The following ANKRD11 variants were observed in gnomAD, a reference collection of about 807,000 sequenced individuals.
The protein encoded by ANKRD11 is ankyrin repeat domain-containing protein 11.
In ANKRD11, 17 loss-of-function variants were observed where a neutral mutation model predicts 195.7. The ratio of observed to expected loss-of-function variants is 0.09; its 90% CI spans 0.06 to 0.13. ANKRD11 has a LOEUF of 0.13. ANKRD11 is among the 10% of genes least tolerant of loss of function. ANKRD11 has a pLI of 1.00. For missense variants in ANKRD11, 3,735 were observed against 3,566.1 expected (o/e 1.05, Z -1.21); for synonymous variants, 1,953 against 1,528.1 (o/e 1.28, Z -6.49).
intron 2 of ANKRD11, among the ~76,000 whole-genome samples, chr16:89,391,751 C>A (rs904676499): frequency 2.0e-5 from 3 of 152,210 alleles, no homozygotes; most frequent in Non-Finnish European, 2.9e-5. Context: ...AGAGGTTCCT[C>A]TTCAAAGACT....
chr16:89,301,161 C>G (rs372705024), intron 4 of ANKRD11, among the ~76,000 whole-genome samples: 6 of 152,274 alleles, frequency 3.9e-5, no homozygotes, highest in African/African-American at 1.4e-4. Flanking sequence ...GGCTGGAGGG[C>G]AGTGGCGCAA....
intron 5 of ANKRD11, 48 bp from the exon 6 acceptor site, chr16:89,290,876 G>A (rs372592637): frequency 1.2e-6 from 2 of 1,610,750 alleles, no homozygotes; most frequent in African/African-American, 2.7e-5. Context: ...GGGTGGTCCT[G>A]CTTTGTCCAA....
intron 2 of ANKRD11, among the ~76,000 whole-genome samples, chr16:89,388,757 G>A (rs2041043308): frequency 6.6e-6 from 1 of 152,210 alleles, no homozygotes; most frequent in South Asian, 2.1e-4. Flanking sequence ...CTGGAATGGT[G>A]CCACTGCCCA....
chr16:89,337,024 A>G lies in ANKRD11; in HGVS notation c.-59-19946T>C, dbSNP rs995538482. ...GGCTCTACCAAAAAAAAAAAAAAAA[A>G]AAAAAAAAAAAATTAGCCAGGTGTG... On this transcript the variant is annotated intron_variant, in intron 2 of 12. Coordinates refer to ENST00000301030, the MANE Select transcript of ANKRD11 (RefSeq NM_013275.6). 1.9e-4 allele frequency among the ~76,000 whole-genome samples: 27 copies of G among 145,398 alleles called. 1 individual carries two copies. Among genetic ancestry groups the G allele is most frequent in the African/African-American group, 6.6e-4 (26 of 39,452 alleles).
chr16:89,418,932 G>A (rs550660945), intron 1 of ANKRD11, among the ~76,000 whole-genome samples: 7 of 151,924 alleles, frequency 4.6e-5, no homozygotes, highest in African/African-American at 7.2e-5. Context: ...ACCCACCCCC[G>A]GCTGATCTGG....
intron 4 of ANKRD11, among the ~76,000 whole-genome samples, chr16:89,296,093 A>ACC (rs2035420503): frequency 2.1e-5 from 3 of 140,814 alleles, no homozygotes. Context: ...GGCTCAAGCG[A>ACC]CCCTCCCACT....
In ANKRD11 at chr16:89,280,556, G is replaced by A. The variant is rs776509679; in HGVS notation, c.5986C>T (p.Pro1996Ser). The change falls in exon 9 of 13, where the codon CCC becomes TCC. Residue 1996 changes from proline to serine, a missense_variant. Transcript: ENST00000301030. ...GCGGCAGAGTGGAGGGGGTCCGCGG[G>A]GCAGAAACGCTTTGGGGACTCGGGG... Reference protein sequence around the residue: ...RFPESPKRFCPADPLHSAAPG... With the variant: ...RFPESPKRFCSADPLHSAAPG... 8 of 1,613,024 alleles carry A rather than the reference G, an allele frequency of 5.0e-6. No individual in the cohort carries two copies. In the African/African-American group the frequency reaches 5.3e-5, roughly 11 times the overall value.
chr16:89,282,813 T>G lies in ANKRD11; in HGVS notation c.3729A>C (p.Glu1243Asp). 6.2e-7 allele frequency: 1 copy of G among 1,611,542 alleles called. No individual in the cohort carries two copies. Among genetic ancestry groups the G allele is most frequent in the Non-Finnish European group, 8.5e-7 (1 of 1,180,022 alleles). The change falls in exon 9 of 13, where the codon GAA becomes GAC. Residue 1243 changes from glutamate (E) to aspartate (D), a missense_variant. By Grantham distance (45) the Glu-to-Asp change is conservative (BLOSUM62 2). Transcript: ENST00000301030. ...KNKQKLPEKA[E>D]KKHAAEDKAK... ...CCTTGTCTTCGGCAGCGTGCTTCTT[T>G]TCAGCCTTCTCGGGGAGCTTCTGTT...
At chr16:89,385,693 G>A (rs8051639) in intron 2 of ANKRD11, among the ~76,000 whole-genome samples, 4,616 of 152,328 alleles carry the variant, frequency 0.03, 223 homozygotes, top group African/African-American at 0.11. Context: ...TTTAGGTACA[G>A]TCCATCACGT....
At chr16:89,428,266 C>T (rs557285866) in intron 1 of ANKRD11, among the ~76,000 whole-genome samples, 2 of 152,044 alleles carry the variant, frequency 1.3e-5, no homozygotes, top group African/African-American at 4.8e-5. Flanking sequence ...TGGTTCACGC[C>T]TATAATCCCA....
chr16:89,408,290 A>C (rs1433009672), intron 2 of ANKRD11, among the ~76,000 whole-genome samples: 2 of 152,176 alleles, frequency 1.3e-5, no homozygotes, highest in Non-Finnish European at 2.9e-5. Flanking sequence ...TTCCACATTC[A>C]CTTTAGCCTT....
At chr16:89,293,036 C>G (rs2035167775) in intron 4 of ANKRD11, among the ~76,000 whole-genome samples, 1 of 152,220 alleles carries the variant, frequency 6.6e-6, no homozygotes, top group Non-Finnish European at 1.5e-5. Flanking sequence ...CTCAAGTCCT[C>G]CTCTCTCCAG....
chr16:89,438,506 A>T (rs2043310479), intron 1 of ANKRD11, among the ~76,000 whole-genome samples: 1 of 151,992 alleles, frequency 6.6e-6, no homozygotes, highest in Non-Finnish European at 1.5e-5. Flanking sequence ...GTGTGTGCGT[A>T]TTTTTAGTAG....
intron 7 of ANKRD11, chr16:89,287,341 A>G (rs1295399045): frequency 1.3e-5 from 4 of 315,058 alleles, no homozygotes; most frequent in Non-Finnish European, 2.5e-5. Flanking sequence ...ACCTAGGACA[A>G]TCTCCCCATG....
chr16:89,301,028 G>T (rs1318761879), intron 4 of ANKRD11: 1 of 592,078 alleles, frequency 1.7e-6, no homozygotes, highest in Non-Finnish European at 3.0e-6. Context: ...GGGGCAGGAG[G>T]CTCCCCAGAA....
intron 11 of ANKRD11, among the ~76,000 whole-genome samples, chr16:89,273,909 C>T (rs888164997): frequency 6.6e-6 from 1 of 152,114 alleles, no homozygotes; most frequent in African/African-American, 2.4e-5. Context: ...TACGAGGGCT[C>T]TCGGTGCGAG....
intron 2 of ANKRD11, among the ~76,000 whole-genome samples, chr16:89,342,035 C>CACGGCGGGAGTGCTGCACCTCCTCCACGA (rs1567674263): frequency 2.4e-5 from 1 of 42,320 alleles, no homozygotes; most frequent in African/African-American, 6.8e-5. Context: ...CTCCACTGCC[C>CACGGCGGGAGTGCTGCACCTCCTCCACGA]ACAGCGGCCA....
intron 2 of ANKRD11, chr16:89,321,214 C>T (rs1365621892): frequency 6.6e-6 from 1 of 152,316 alleles, no homozygotes; most frequent in Non-Finnish European, 1.5e-5. Flanking sequence ...AGTGGTTACA[C>T]TGACTACGGC....
intron 6 of ANKRD11, among the ~76,000 whole-genome samples, chr16:89,289,248 G>A (rs552439816): frequency 1.3e-5 from 2 of 152,206 alleles, no homozygotes; most frequent in South Asian, 2.1e-4. Context: ...GGAAGCACAC[G>A]GCACTGCTCT....
Sources: allele counts gnomAD v4.1 joint callset (sites outside exome capture counted in the v4.1 genomes callset), GRCh38; gene constraint gnomAD v4.1.1; transcripts MANE v1.5; gene names NCBI Gene and HGNC (gene_info 2026-07-23, HGNC 2026-07-21).